Variants in PEX7 observed in about 807,000 individuals in gnomAD.
PEX7 encodes the protein peroxisomal biogenesis factor 7, also known as PTS2 receptor.
Under a neutral mutation model 47.5 loss-of-function variants are expected in PEX7, and 34 were observed. The observed-to-expected ratio is 0.72, with a 90% CI of 0.54 to 0.95. PEX7 has a LOEUF of 0.95. Among genes scored for constraint, PEX7 ranks in the 40% least tolerant of loss-of-function variants. The probability of loss-of-function intolerance (pLI) is 0.00; values close to 1 mark genes in which losing one functional copy is unlikely to be tolerated. For missense variants in PEX7, 394 were observed against 400.3 expected, an observed-to-expected ratio of 0.98 and a Z score of 0.13; for synonymous variants, 141 against 148.8, an observed-to-expected ratio of 0.95 and a Z score of 0.38.
At chr6:136,831,253 G>A (rs903995328) in intron 3 of PEX7, among the ~76,000 whole-genome samples, 3 of 152,044 alleles carry the variant, frequency 2.0e-5, no homozygotes, top group African/African-American at 7.2e-5. Flanking sequence ...GGCAGCAGGA[G>A]AGAGAGAAAG....
At chr6:136,841,783 G>A (rs1304479303) in intron 3 of PEX7, among the ~76,000 whole-genome samples, 9 of 151,522 alleles carry the variant, frequency 5.9e-5, no homozygotes, top group East Asian at 3.9e-4. Flanking sequence ...CGGGGGTCTC[G>A]CCATATTTTC....
chr6:136,850,269 G>T (rs564276737), intron 5 of PEX7, among the ~76,000 whole-genome samples: 2 of 152,078 alleles, frequency 1.3e-5, no homozygotes, highest in African/African-American at 2.4e-5. Context: ...CGTGAGATGG[G>T]TCTCCTGAAT....
intron 9 of PEX7, among the ~76,000 whole-genome samples, chr6:136,899,104 A>G (rs1260307064): frequency 7.3e-6 from 1 of 136,802 alleles, no homozygotes; most frequent in East Asian, 2.1e-4. Context: ...TTTTTGAGAC[A>G]GAGTTTCACA....
intron 2 of PEX7, among the ~76,000 whole-genome samples, chr6:136,825,760 C>T (rs1282699734): frequency 6.6e-6 from 1 of 152,092 alleles, no homozygotes; most frequent in Non-Finnish European, 1.5e-5. Flanking sequence ...GTCTCAAACT[C>T]CTGACCTCAG....
chr6:136,823,627 A>C (rs1300912100), intron 1 of PEX7, among the ~76,000 whole-genome samples: 1 of 152,162 alleles, frequency 6.6e-6, no homozygotes, highest in Admixed American at 6.5e-5. Context: ...GCGGTGGCTC[A>C]CGTCTGTAAT....
At chr6:136,908,340 G>GT (rs564543989) in intron 9 of PEX7, among the ~76,000 whole-genome samples, 5 of 151,872 alleles carry the variant, frequency 3.3e-5, no homozygotes, top group East Asian at 1.9e-4. Context: ...TATTAGTTTA[G>GT]TTTTTTTTAC....
intron 3 of PEX7, among the ~76,000 whole-genome samples, chr6:136,837,573 C>T (rs2115153781): frequency 6.6e-6 from 1 of 152,026 alleles, no homozygotes; most frequent in East Asian, 1.9e-4. Flanking sequence ...ATTCTTAGTG[C>T]CCTGAGTATG....
intron 9 of PEX7, among the ~76,000 whole-genome samples, chr6:136,909,292 C>G (rs1775896078): frequency 6.6e-6 from 1 of 152,136 alleles, no homozygotes; most frequent in South Asian, 2.1e-4. Context: ...TGAAACTTCT[C>G]TAAATATTCC....
At chr6:136,875,052 T>A (rs1025084220) in intron 8 of PEX7, among the ~76,000 whole-genome samples, 4 of 152,100 alleles carry the variant, frequency 2.6e-5, no homozygotes, top group African/African-American at 9.7e-5. Context: ...GGCAGGAGAA[T>A]TGCTTGAACC....
At chr6:136,846,831 A>T (rs1216441546) in intron 5 of PEX7, among the ~76,000 whole-genome samples, 1 of 152,128 alleles carries the variant, frequency 6.6e-6, no homozygotes, top group Non-Finnish European at 1.5e-5. Flanking sequence ...TAGCAGCATG[A>T]TTTATAATCT....
chr6:136,894,507 T>C (rs1775611344), intron 8 of PEX7, among the ~76,000 whole-genome samples: 1 of 152,138 alleles, frequency 6.6e-6, no homozygotes, highest in African/African-American at 2.4e-5. Flanking sequence ...GGAGAATTGC[T>C]TGAACCCGGG....
At chr6:136,892,039 T>C (rs1187476829) in intron 8 of PEX7, among the ~76,000 whole-genome samples, 2 of 152,146 alleles carry the variant, frequency 1.3e-5, no homozygotes, top group Non-Finnish European at 2.9e-5. Flanking sequence ...TGAGTGATTA[T>C]AGAAAGAGAG....
chr6:136,827,529 TGTGTGTG>T (rs1774216940), intron 3 of PEX7, among the ~76,000 whole-genome samples: 1 of 151,310 alleles, frequency 6.6e-6, no homozygotes, highest in Non-Finnish European at 1.5e-5. Flanking sequence ...TGTGTGTGTG[TGTGTGTG>T]TGTGTGTGTG....
chr6:136,865,592 C>G (rs9321576), intron 5 of PEX7, among the ~76,000 whole-genome samples: 90,436 of 152,026 alleles, frequency 0.59, 26,905 homozygotes, highest in South Asian at 0.61. Context: ...AGCCACCACG[C>G]CTGGCTAAAA....
chr6:136,859,177 T>G (rs1415015288), intron 5 of PEX7, among the ~76,000 whole-genome samples: 1 of 152,194 alleles, frequency 6.6e-6, no homozygotes, highest in Non-Finnish European at 1.5e-5. Context: ...TAGCATCAAA[T>G]TAGTTACCAT....
chr6:136,877,236 T>C (rs1267997476), intron 8 of PEX7, among the ~76,000 whole-genome samples: 2 of 152,138 alleles, frequency 1.3e-5, no homozygotes, highest in African/African-American at 4.8e-5. Flanking sequence ...ATGGATAGAT[T>C]GCAAAAATTT....
Position 136,826,457 on chromosome 6 carries a change from A to T in PEX7, c.327A>T (p.Glu109Asp). Residue 109 changes from glutamate (E) to aspartate (D), a missense_variant, in exon 3 of 10, where the codon GAA becomes GAT. Physicochemically the swap from Glu to Asp is conservative, Grantham distance 45. Coordinates refer to ENST00000318471, the MANE Select transcript of PEX7 (RefSeq NM_000288.4). The stretch of plus-strand genomic sequence containing the variant: ...CAGGGCCACTGCAAGTCTATAAAGA[A>T]CACGCTCAGGAGGTAGGAGGGAAAT... ...KAAGPLQVYK[E>D]HAQEVYSVDW... 6.2e-7 allele frequency: 1 copy of T among 1,614,056 alleles called. No individual in the cohort carries two copies. Among genetic ancestry groups the T allele is most frequent in the Admixed American group, 1.7e-5 (1 of 59,996 alleles).
chr6:136,864,170 G>A (rs1775015830), intron 5 of PEX7, among the ~76,000 whole-genome samples: 1 of 152,052 alleles, frequency 6.6e-6, no homozygotes, highest in African/African-American at 2.4e-5. Context: ...CCTACTTTAT[G>A]TAGTTGTGAT....
chr6:136,872,090 C>T lies in PEX7; in HGVS notation c.748-108C>T, dbSNP rs1582761356. 8.2e-6 allele frequency: 8 copies of T among 980,184 alleles called. No homozygotes were observed. The East Asian group carries it at 2.0e-4, about 24-fold the overall frequency. 60.7% of individuals were successfully genotyped at this position (980,184 alleles called of 1,614,324 possible). Reference sequence around the variant, plus strand: ...AAAAGCATAATTTTAAGTGACAGCTCTGACTCAACTTAAATTTATTATAAT... The same window carrying T: ...AAAAGCATAATTTTAAGTGACAGCTTTGACTCAACTTAAATTTATTATAAT... On this transcript the variant is annotated intron_variant, in intron 7 of 9. Transcript: ENST00000318471.
Sources: gnomAD v4.1 joint callset for allele counts (sites outside exome capture counted in the v4.1 genomes callset) on GRCh38, gnomAD v4.1.1 for gene constraint, MANE v1.5 for transcripts, NCBI Gene and HGNC (gene_info 2026-07-23, HGNC 2026-07-21) for gene names.